AGAP1: variants seen among roughly 807,000 people sequenced by gnomAD.
The protein encoded by AGAP1 is arf-GAP with GTPase, ANK repeat and PH domain-containing protein 1.
Under a neutral mutation model 105.3 loss-of-function variants are expected in AGAP1, and 29 were observed. That is an observed-to-expected ratio of 0.28 (90% CI 0.21 to 0.38). AGAP1 has a LOEUF of 0.38. Among genes scored for constraint, AGAP1 ranks in the 10% least tolerant of loss-of-function variants. The pLI is 1.00. For synonymous variants in AGAP1, 509 were observed against 485.9 expected, an observed-to-expected ratio of 1.05 and a Z score of -0.63; for missense variants, 998 against 1,165.1, an observed-to-expected ratio of 0.86 and a Z score of 2.09.
chr2:235,544,310 A>C (rs1943552444), intron 1 of AGAP1, among the ~76,000 whole-genome samples: 3 of 152,182 alleles, frequency 2.0e-5, no homozygotes, highest in Admixed American at 1.3e-4. Flanking sequence ...ATTGTGCAAG[A>C]AACGCACCAC....
At position 235,867,763 on chromosome 2, in the gene AGAP1, T is replaced by A. The variant is rs2049253066; in HGVS notation, c.1051-15582T>A. ...TGTCAGGGGAGCCTCAGCAGGGGCA[T>A]CACCTGGATGTACCATTTTCCGCAT... is the stretch of plus-strand genomic sequence containing the variant. On this transcript the variant is annotated intron_variant, in intron 9 of 17. Coordinates refer to ENST00000304032, the MANE Select transcript of AGAP1 (RefSeq NM_001037131.3). The surrounding 1 kb of genome is among the most constrained non-coding windows in gnomAD (Gnocchi z 5.4). Among the ~76,000 whole-genome samples, 1 of 152,138 alleles carries A rather than the reference T, an allele frequency of 6.6e-6. No individual in the cohort carries two copies. The highest frequency in any genetic ancestry group is 1.5e-5 in the Non-Finnish European group (1 of 68,032).
chr2:235,908,502 CCTTA>C lies in AGAP1; in HGVS notation c.1156-234_1156-231del, dbSNP rs2051414711. Reference sequence around the variant, plus strand: ...TGAAGGAGGCACCTGCTGTGTCTCTCCTTACATCTCTAGGTCCTGGATTAGTTCA... The same window carrying C: ...TGAAGGAGGCACCTGCTGTGTCTCTCCATCTCTAGGTCCTGGATTAGTTCA... On this transcript the variant is annotated intron_variant, in intron 10 of 17. Transcript: ENST00000304032. The surrounding 1 kb of genome is among the most constrained non-coding windows in gnomAD (Gnocchi z 4.4). Among the ~76,000 whole-genome samples, 1 of 152,034 alleles carries C rather than the reference CCTTA, an allele frequency of 6.6e-6. No homozygotes were observed. Among genetic ancestry groups the C allele is most frequent in the Admixed American group, 6.6e-5 (1 of 15,256 alleles).
At chr2:235,938,151 C>T (rs2053080563) in intron 12 of AGAP1, among the ~76,000 whole-genome samples, 1 of 152,178 alleles carries the variant, frequency 6.6e-6, no homozygotes, top group Non-Finnish European at 1.5e-5. Context: ...ATGTAACATT[C>T]ATGGAACTCA....
At chr2:235,968,245 GT>G (rs1289742209) in intron 12 of AGAP1, among the ~76,000 whole-genome samples, 1 of 152,170 alleles carries the variant, frequency 6.6e-6, no homozygotes, top group Non-Finnish European at 1.5e-5. Context: ...AAATGCTTGT[GT>G]TTTAATAGCG....
chr2:236,007,434 G>T (rs1247033698), intron 13 of AGAP1, among the ~76,000 whole-genome samples: 1 of 152,198 alleles, frequency 6.6e-6, no homozygotes, highest in Non-Finnish European at 1.5e-5. Flanking sequence ...TTCAAGAAGG[G>T]TGGTTGTTTG....
rs531595965 is a variant in AGAP1, at chr2:235,560,301, C to CTTCT, written c.163+65461_163+65464dup. Among the ~76,000 whole-genome samples the CTTCT allele has an allele frequency of 7.8e-3, 1,183 of 152,046 alleles. 53 individuals carry two copies. The highest frequency in any genetic ancestry group is 0.065 in the Admixed American group (998 of 15,246). On this transcript the variant is annotated intron_variant, in intron 1 of 17. Coordinates refer to ENST00000304032, the MANE Select transcript of AGAP1 (RefSeq NM_001037131.3). The stretch of plus-strand genomic sequence containing the variant: ...GCTTAGATCATTTGATTGATTTTCT[C>CTTCT]TTCTTTCTTTCTCTCTTTCTGCTTC...
In AGAP1 at chr2:235,629,492, A is replaced by G. The variant is rs907624267; in HGVS notation, c.164-79687A>G. 2.0e-5 allele frequency among the ~76,000 whole-genome samples: 3 copies of G among 152,098 alleles called. No individual in the cohort carries two copies. In the East Asian group the frequency reaches 5.8e-4, roughly 29 times the overall value. ...AAAAGGAGAACAGGACAGAGACATG[A>G]AAATCAGCAGGTGAGTATCGAGTGT... On this transcript the variant is annotated intron_variant, in intron 1 of 17. Transcript: ENST00000304032.
chr2:235,884,254 A>G (rs925995151), intron 10 of AGAP1, among the ~76,000 whole-genome samples: 4 of 152,258 alleles, frequency 2.6e-5, no homozygotes, highest in Admixed American at 2.0e-4. Context: ...TTGTATACCA[A>G]AATCCATGGT....
intron 1 of AGAP1, among the ~76,000 whole-genome samples, chr2:235,648,377 G>A (rs775173267): frequency 6.6e-6 from 1 of 152,142 alleles, no homozygotes; most frequent in Non-Finnish European, 1.5e-5. Context: ...CTTCATCAGT[G>A]GAGAAATGCA....
At chr2:236,004,046 T>G (rs1300610718) in intron 13 of AGAP1, among the ~76,000 whole-genome samples, 2 of 152,184 alleles carry the variant, frequency 1.3e-5, no homozygotes, top group African/African-American at 4.8e-5. Flanking sequence ...GCACCTCGTA[T>G]CTTGTGCCCC....
In AGAP1 at chr2:235,968,593, A is replaced by G. The variant is rs760099053; in HGVS notation, c.1615A>G (p.Lys539Glu). 4.6e-5 allele frequency: 70 copies of G among 1,528,524 alleles called. No individual in the cohort carries two copies. The highest frequency in any genetic ancestry group is 6.2e-5 in the Non-Finnish European group (70 of 1,127,422). The allele number at this position is 1,528,524 out of a possible 1,614,324, so 94.7% of individuals were successfully genotyped here. Residue 539 changes from lysine (K) to glutamate (E), a missense_variant, in exon 13 of 18, where the codon AAA becomes GAA. By Grantham distance (56) the Lys-to-Glu change is moderately conservative (BLOSUM62 1). Around this residue, in one of 3 missense-constraint regions of AGAP1, gnomAD observed 735 missense variants for 833.4 expected, o/e 0.88. Transcript: ENST00000304032. Reference sequence around the variant, plus strand: ...AAGGAAGAAAAGCACTAGCAACTTCAAAGCCGACGGCCTGTCCGGCACTGC... The same window carrying G: ...AAGGAAGAAAAGCACTAGCAACTTCGAAGCCGACGGCCTGTCCGGCACTGC... Reference protein sequence around the residue: ...HRRKKSTSNFKADGLSGTAEE... With the variant: ...HRRKKSTSNFEADGLSGTAEE...
Position 235,908,975 on chromosome 2 carries a change from T to C in AGAP1, c.1324+69T>C. On this transcript the variant is annotated intron_variant, in intron 11 of 17. Coordinates refer to ENST00000304032, the MANE Select transcript of AGAP1 (RefSeq NM_001037131.3). This position sits in a 1 kb window ranked among gnomAD's most constrained non-coding sequence, Gnocchi z 4.4. ...ACAGGTGGTCCAGGCTCGAGGATAA[T>C]GTTGGACTCCTAGGTTAAGTGGAGA... 6 of 1,487,752 alleles carry C rather than the reference T, an allele frequency of 4.0e-6. No individual in the cohort carries two copies. Among genetic ancestry groups the C allele is most frequent in the South Asian group, 1.2e-5 (1 of 80,284 alleles). The allele number at this position is 1,487,752 out of a possible 1,614,324, so 92.2% of individuals were successfully genotyped here.
intron 6 of AGAP1, among the ~76,000 whole-genome samples, chr2:235,781,840 C>CAG (rs1167448685): frequency 1.3e-5 from 2 of 152,028 alleles, no homozygotes; most frequent in Non-Finnish European, 1.5e-5. Context: ...ATAATCTCAT[C>CAG]AGAGGCCTGA....
intron 6 of AGAP1, among the ~76,000 whole-genome samples, chr2:235,764,704 C>CATCTGGGAGCGTCCGTGGGGTTTGGGGT (rs1954775957): frequency 1.3e-5 from 1 of 76,976 alleles, no homozygotes. Context: ...GGGGTGGGGG[C>CATCTGGGAGCGTCCGTGGGGTTTGGGGT]ATCTGGGAGC....
At chr2:235,645,237 T>C (rs1947335110) in intron 1 of AGAP1, among the ~76,000 whole-genome samples, 1 of 152,102 alleles carries the variant, frequency 6.6e-6, no homozygotes, top group Non-Finnish European at 1.5e-5. Flanking sequence ...TTCTGCCATA[T>C]GACAAACAAA....
In AGAP1 at chr2:235,931,032, C is replaced by T; in HGVS notation, c.1483+109C>T. Reference sequence around the variant, plus strand: ...CTCTCATGCTCCTCTGGGAGCGCAGCACCCTGTGGGGCGGCTGCATCAGAG... The same window carrying T: ...CTCTCATGCTCCTCTGGGAGCGCAGTACCCTGTGGGGCGGCTGCATCAGAG... On this transcript the variant is annotated intron_variant, in intron 12 of 17. Coordinates refer to ENST00000304032, the MANE Select transcript of AGAP1 (RefSeq NM_001037131.3). The surrounding 1 kb of genome is among the most constrained non-coding windows in gnomAD (Gnocchi z 5.6). 1 of 1,298,944 alleles carries T rather than the reference C, an allele frequency of 7.7e-7. No individual in the cohort carries two copies. Among genetic ancestry groups the T allele is most frequent in the Non-Finnish European group, 1.0e-6 (1 of 965,208 alleles). 80.5% of individuals were successfully genotyped at this position (1,298,944 alleles called of 1,614,324 possible). A position where few individuals can be genotyped will look rare whatever the true frequency, so the allele number is the denominator to read the frequency against.
rs1229728726 is a variant in AGAP1 at position 235,855,161 on chromosome 2, T to C, written c.1051-28184T>C. 6.6e-6 allele frequency among the ~76,000 whole-genome samples: 1 copy of C among 152,218 alleles called. No homozygotes were observed. Among genetic ancestry groups the C allele is most frequent in the Admixed American group, 6.5e-5 (1 of 15,284 alleles). ...GTCTGTGATGTTCAACAAACCAGCC[T>C]CATCAGGCCCCAGGTGGAAAATCGG... On this transcript the variant is annotated intron_variant, in intron 9 of 17. Transcript: ENST00000304032. This position sits in a 1 kb window ranked among gnomAD's most constrained non-coding sequence, Gnocchi z 5.0.
At chr2:236,107,938 C>T (rs552832850) in intron 16 of AGAP1, among the ~76,000 whole-genome samples, 39 of 152,356 alleles carry the variant, frequency 2.6e-4, no homozygotes, top group African/African-American at 9.4e-4. Flanking sequence ...AAACACCCTG[C>T]AGGTTGGCAA....
chr2:235,936,252 G>A lies in AGAP1; in HGVS notation c.1483+5329G>A, dbSNP rs1014047055. 1.5e-4 allele frequency among the ~76,000 whole-genome samples: 23 copies of A among 152,120 alleles called. No homozygotes were observed. Among genetic ancestry groups the A allele is most frequent in the Non-Finnish European group, 8.8e-5 (6 of 68,042 alleles). On this transcript the variant is annotated intron_variant, in intron 12 of 17. Transcript: ENST00000304032. The surrounding 1 kb of genome is among the most constrained non-coding windows in gnomAD (Gnocchi z 4.7). Reference sequence around the variant, plus strand: ...GCCACCACGCAGCCTCGTCACCATCGAGCACAAACACCATGTCCATCTTCC... The same window carrying A: ...GCCACCACGCAGCCTCGTCACCATCAAGCACAAACACCATGTCCATCTTCC...
Sources: gnomAD v4.1 joint callset for allele counts (sites outside exome capture counted in the v4.1 genomes callset) on GRCh38, gnomAD v4.1.1 for gene constraint, gnomAD v4.1.1 regional missense constraint, Gnocchi (gnomAD v3.1) non-coding constraint, MANE v1.5 for transcripts, NCBI Gene and HGNC (gene_info 2026-07-23, HGNC 2026-07-21) for gene names.